SGIP1: variants seen among roughly 807,000 people sequenced by gnomAD.
The protein encoded by SGIP1 is SH3-containing GRB2-like protein 3-interacting protein 1.
SGIP1 carries 38 observed loss-of-function variants against 107.5 expected under a neutral mutation model. The ratio of observed to expected loss-of-function variants is 0.35; its 90% CI spans 0.27 to 0.46. The LOEUF is 0.46. Among genes scored for constraint, SGIP1 ranks in the 20% least tolerant of loss-of-function variants. The probability of loss-of-function intolerance (pLI) is 1.00; values close to 1 mark genes in which losing one functional copy is unlikely to be tolerated. For synonymous variants in SGIP1, 365 were observed against 366.1 expected (o/e 1.00, Z 0.03); for missense variants, 929 against 1,019.5 (o/e 0.91, Z 1.21).
intron 19 of SGIP1, among the ~76,000 whole-genome samples, chr1:66,727,273 G>A (rs189017210): frequency 7.6e-4 from 116 of 152,258 alleles, no homozygotes; most frequent in Non-Finnish European, 1.4e-3. Context: ...TTAAGCAGAG[G>A]ATAACTGATG....
intron 15 of SGIP1, chr1:66,684,137 T>C (rs896068741): frequency 6.4e-7 from 1 of 1,550,584 alleles, no homozygotes; most frequent in African/African-American, 1.4e-5. Context: ...AGATATCAAG[T>C]AATTTGCCCA....
At chr1:66,676,291 G>A (rs1344363277) in intron 12 of SGIP1, among the ~76,000 whole-genome samples, 1 of 152,198 alleles carries the variant, frequency 6.6e-6, no homozygotes, top group African/African-American at 2.4e-5. Context: ...AGCAGTACTT[G>A]CATAGTCCCT....
chr1:66,692,752 TCTAAAGTAATTCAAGAA>T (rs1220785071), intron 17 of SGIP1, among the ~76,000 whole-genome samples: 1 of 152,228 alleles, frequency 6.6e-6, no homozygotes, highest in Non-Finnish European at 1.5e-5. Flanking sequence ...TTGGGGCAAA[TCTAAAGTAATTCAAGAA>T]CTAAAGTTTT....
At chr1:66,694,860 T>C in intron 17 of SGIP1, 1 of 245,108 alleles carries the variant, frequency 4.1e-6, no homozygotes, top group Non-Finnish European at 7.6e-6. Flanking sequence ...AGTAATCTTG[T>C]TTTCTCTTTG....
At position 66,747,076 on chromosome 1, in the gene SGIP1, T is replaced by C. The variant is rs1347275424; in HGVS notation, c.*3981T>C. The stretch of plus-strand genomic sequence containing the variant: ...GTCTTCCATCTCTGAAATTCCATGA[T>C]TCTACTTTACTCAGATATACCACCT... On this transcript the variant is annotated 3_prime_UTR_variant, in exon 25 of 25. Transcript: ENST00000371037. 6.6e-6 allele frequency: 1 copy of C among 152,106 alleles called. No individual in the cohort carries two copies. Among genetic ancestry groups the C allele is most frequent in the African/African-American group, 2.4e-5 (1 of 41,460 alleles). The allele number at this position is 152,106 out of a possible 1,614,324, so 9.4% of individuals were successfully genotyped here.
At chr1:66,722,768 G>T (rs909550523) in intron 19 of SGIP1, among the ~76,000 whole-genome samples, 1 of 152,128 alleles carries the variant, frequency 6.6e-6, no homozygotes, top group Admixed American at 6.6e-5. Flanking sequence ...CACAATATAA[G>T]CCAGGGTTTT....
Position 66,649,894 on chromosome 1 carries a change from T to C in SGIP1, c.459+6175T>C, listed in dbSNP as rs139914064. On this transcript the variant is annotated intron_variant, in intron 7 of 24. Coordinates refer to ENST00000371037, the MANE Select transcript of SGIP1 (RefSeq NM_032291.4). Reference sequence around the variant, plus strand: ...ACAAGAGGGTTCTACCTCCTTTTAGTTGATGACTTTTGGTATGTTGAAAAC... The same window carrying C: ...ACAAGAGGGTTCTACCTCCTTTTAGCTGATGACTTTTGGTATGTTGAAAAC... Among the ~76,000 whole-genome samples, 975 of 152,296 alleles carry C rather than the reference T, an allele frequency of 6.4e-3. 13 individuals are homozygous for C. The highest frequency in any genetic ancestry group is 0.022 in the African/African-American group (916 of 41,566).
rs1304968487 is a variant in SGIP1, at chr1:66,633,106, A to C, written c.99+12A>C. ...ATAGAGATGGAATTGTAAGTATTTA[A>C]ATAACCATTTTTACTGAGTTTGTGC... On this transcript the variant is annotated intron_variant, in intron 3 of 24. Coordinates refer to ENST00000371037, the MANE Select transcript of SGIP1 (RefSeq NM_032291.4). 1 of 1,518,470 alleles carries C rather than the reference A, an allele frequency of 6.6e-7. No individual in the cohort carries two copies. Among genetic ancestry groups the C allele is most frequent in the Non-Finnish European group, 9.1e-7 (1 of 1,094,954 alleles). The allele number at this position is 1,518,470 out of a possible 1,614,324, so 94.1% of individuals were successfully genotyped here. A position where few individuals can be genotyped will look rare whatever the true frequency, so the allele number is the denominator to read the frequency against.
intron 1 of SGIP1, among the ~76,000 whole-genome samples, chr1:66,572,214 C>T (rs575702435): frequency 6.6e-6 from 1 of 152,026 alleles, no homozygotes; most frequent in South Asian, 2.1e-4. Flanking sequence ...TTGTTTTTCT[C>T]CTATCCTATA....
chr1:66,632,922 T>G, intron 2 of SGIP1, 148 bp from the exon 3 acceptor site: 1 of 696,518 alleles, frequency 1.4e-6, no homozygotes. Context: ...CCAATTTGTT[T>G]TGATTTAGTT....
intron 18 of SGIP1, among the ~76,000 whole-genome samples, chr1:66,696,491 T>A (rs1033736339): frequency 1.2e-4 from 18 of 152,212 alleles, no homozygotes; most frequent in African/African-American, 4.3e-4. Context: ...AGTGTGTGTT[T>A]TAATGCAACT....
chr1:66,554,409 T>C (rs569423325), intron 1 of SGIP1, among the ~76,000 whole-genome samples: 42 of 152,278 alleles, frequency 2.8e-4, no homozygotes, highest in Admixed American at 5.2e-4. Flanking sequence ...ATGTTATCCA[T>C]GCTACTGTAA....
chr1:66,637,225 A>T (rs2075954404), intron 4 of SGIP1, among the ~76,000 whole-genome samples: 1 of 152,134 alleles, frequency 6.6e-6, no homozygotes. Context: ...TCCATTTGAA[A>T]ATCAATAGAC....
rs1558132327 is a variant in SGIP1 at position 66,630,802 on chromosome 1, G to GAAAGAAA, written c.75-2268_75-2267insAAAGAAA. The stretch of plus-strand genomic sequence containing the variant: ...GCCTGGGTGACAAGAGCAAAACTCC[G>GAAAGAAA]GAAAGAAAGAAAGAAAGAAAGAAAG... On this transcript the variant is annotated intron_variant, in intron 2 of 24. Coordinates refer to ENST00000371037, the MANE Select transcript of SGIP1 (RefSeq NM_032291.4). Among the ~76,000 whole-genome samples, 13 of 57,604 alleles carry GAAAGAAA rather than the reference G, an allele frequency of 2.3e-4. 4 individuals are homozygous for GAAAGAAA. In the South Asian group the frequency reaches 2.6e-3, roughly 12 times the overall value. The allele number at this position is 57,604 out of a possible 152,430, so 37.8% of individuals were successfully genotyped here.
intron 15 of SGIP1, among the ~76,000 whole-genome samples, chr1:66,685,701 C>T (rs1057365069): frequency 6.6e-6 from 1 of 152,194 alleles, no homozygotes; most frequent in African/African-American, 2.4e-5. Context: ...ACAGTAGTAC[C>T]TAGCCGCATG....
intron 1 of SGIP1, among the ~76,000 whole-genome samples, chr1:66,592,188 T>C (rs1458056552): frequency 6.6e-6 from 1 of 152,140 alleles, no homozygotes; most frequent in Admixed American, 6.5e-5. Context: ...GAAGGCCATA[T>C]CTCAGACTAT....
chr1:66,721,374 T>A (rs2093524250), intron 19 of SGIP1, among the ~76,000 whole-genome samples: 1 of 152,186 alleles, frequency 6.6e-6, no homozygotes, highest in Non-Finnish European at 1.5e-5. Context: ...CACGTTGGCC[T>A]GAATTGAGAA....
intron 8 of SGIP1, among the ~76,000 whole-genome samples, chr1:66,665,185 A>G (rs774157200): frequency 6.6e-6 from 1 of 152,078 alleles, no homozygotes; most frequent in Non-Finnish European, 1.5e-5. Flanking sequence ...AAGCATTCTC[A>G]TAGTTCAATT....
At chr1:66,661,349 G>A (rs1364391819) in intron 8 of SGIP1, among the ~76,000 whole-genome samples, 3 of 152,142 alleles carry the variant, frequency 2.0e-5, no homozygotes, top group African/African-American at 7.2e-5. Context: ...CACCTAGGTG[G>A]ATGGTGCAAT....
Sources: allele counts gnomAD v4.1 joint callset (sites outside exome capture counted in the v4.1 genomes callset), GRCh38; gene constraint gnomAD v4.1.1; transcripts MANE v1.5; gene names NCBI Gene and HGNC (gene_info 2026-07-23, HGNC 2026-07-21).